The following ZFC3H1 variants were observed in gnomAD, a reference collection of about 807,000 sequenced individuals.
ZFC3H1 encodes zinc finger C3H1-type containing.
A neutral mutation model predicts 243.7 loss-of-function variants in ZFC3H1; 71 were observed. The ratio of observed to expected loss-of-function variants is 0.29; its 90% CI spans 0.24 to 0.36. The LOEUF is 0.36. Among genes scored for constraint, ZFC3H1 ranks in the 10% least tolerant of loss-of-function variants. ZFC3H1 has a pLI of 1.00. For missense variants in ZFC3H1, 1,966 were observed against 2,317.1 expected (o/e 0.85, Z 3.11); for synonymous variants, 838 against 813.0 (o/e 1.03, Z -0.52).
chr12:71,621,270 T>C (rs2700169), intron 24 of ZFC3H1, among the ~76,000 whole-genome samples: 75,820 of 151,866 alleles, frequency 0.5, 22,111 homozygotes, highest in Middle Eastern at 0.71. Context: ...AATCCACTTA[T>C]GTATTGATAA....
chr12:71,625,393 A>G (rs1880139065), intron 22 of ZFC3H1, among the ~76,000 whole-genome samples: 1 of 152,154 alleles, frequency 6.6e-6, no homozygotes, highest in Non-Finnish European at 1.5e-5. Context: ...AGTCTGGGTA[A>G]AAAACATCCC....
At position 71,644,182 on chromosome 12, in the gene ZFC3H1, G is replaced by A; in HGVS notation, c.1416C>T (p.Ile472=). ...GATTTGAGAGATCTCGAATTTTTCT[G>A]ATTTCTTCCTCTCTTTTCCTTCTCT... The part of the protein sequence containing the change: ...EEERRKREEE[I]RKIRDLSNQE... The change falls in exon 5 of 35, where the codon ATC becomes ATT. Residue 472 remains isoleucine (I), a synonymous_variant. Transcript: ENST00000378743. 1 of 1,613,448 alleles carries A rather than the reference G, an allele frequency of 6.2e-7. No homozygotes were observed. Among genetic ancestry groups the A allele is most frequent in the Non-Finnish European group, 8.5e-7 (1 of 1,179,716 alleles).
rs767547843 is a variant in ZFC3H1 at position 71,620,292 on chromosome 12, C to T, written c.4768G>A (p.Glu1590Lys). The T allele has an allele frequency of 1.7e-5, 27 of 1,614,006 alleles. No individual in the cohort carries two copies. In the Admixed American group the frequency reaches 2.2e-4, roughly 13 times the overall value. Residue 1590 changes from glutamate (E) to lysine (K), a missense_variant, in exon 25 of 35, where the codon GAG becomes AAG. Transcript: ENST00000378743. ...ATTCTTTCCTCAACAGCAAGGCTCTCATCTGTGCAAGCTTTCACTGCATCT... is the reference window on the plus strand; with the variant it reads ...ATTCTTTCCTCAACAGCAAGGCTCTTATCTGTGCAAGCTTTCACTGCATCT... Reference protein sequence around the residue: ...FEDAVKACTDESLAVEERIEA... With the variant: ...FEDAVKACTDKSLAVEERIEA...
intron 16 of ZFC3H1, 40 bp from the exon 17 acceptor site, chr12:71,630,994 A>G: frequency 6.8e-7 from 1 of 1,467,754 alleles, no homozygotes; most frequent in South Asian, 1.6e-5. Context: ...ATGCCCAACA[A>G]ACATTCCTCA....
rs146256815 is a variant in ZFC3H1, at chr12:71,634,204, T to C, written c.2461A>G (p.Met821Val). The change falls in exon 12 of 35, where the codon ATG becomes GTG. Residue 821 changes from methionine to valine, a missense_variant. This residue lies in a region of ZFC3H1 where 1,383 missense variants were observed against 1,723.7 expected (regional missense o/e 0.80). Transcript: ENST00000378743. ...VEIDGIGRIAMVTKQVTDAES... is the reference protein window; with the variant it reads ...VEIDGIGRIAVVTKQVTDAES... ...GCATCTGTAACCTGCTTAGTAACCA[T>C]TGCTATCCTGCCAATACCATCAATT... 6.3e-5 allele frequency: 101 copies of C among 1,614,070 alleles called. No individual in the cohort carries two copies. Among genetic ancestry groups the C allele is most frequent in the East Asian group, 1.6e-4 (7 of 44,850 alleles).
chr12:71,650,652 A>C (rs886253067), intron 2 of ZFC3H1, among the ~76,000 whole-genome samples: 7 of 152,224 alleles, frequency 4.6e-5, no homozygotes, highest in Admixed American at 2.6e-4. Context: ...GACAGAAAAC[A>C]AAAATCAGAA....
At chr12:71,656,119 G>C (rs950769615) in intron 2 of ZFC3H1, among the ~76,000 whole-genome samples, 7 of 152,186 alleles carry the variant, frequency 4.6e-5, no homozygotes, top group African/African-American at 1.4e-4. Context: ...GGTGAACTAA[G>C]GGCTGAGGGA....
chr12:71,623,623 T>A, intron 23 of ZFC3H1, 26 bp from the exon 24 acceptor site: 1 of 1,533,878 alleles, frequency 6.5e-7, no homozygotes, highest in African/African-American at 1.4e-5. Flanking sequence ...AATTTTTTGA[T>A]AAAAAAATTA....
intron 34 of ZFC3H1, 53 bp from the exon 35 acceptor site, chr12:71,610,618 A>AC: frequency 6.2e-7 from 1 of 1,612,278 alleles, no homozygotes; most frequent in South Asian, 1.1e-5. Flanking sequence ...TTTGAGCATT[A>AC]CCACATCAAT....
Position 71,663,378 on chromosome 12 carries a change from G to A in ZFC3H1, c.233C>T (p.Ser78Phe), listed in dbSNP as rs755921862. The A allele has an allele frequency of 5.6e-6, 9 of 1,612,708 alleles. No homozygotes were observed. In the South Asian group the frequency reaches 7.7e-5, roughly 14 times the overall value. ...GGGGSSSSSS[S>F]SQQQLRNFSR... Reference sequence around the variant, plus strand: ...GAAATTCCTCAGCTGCTGCTGAGAAGAGGACGATGACGAGGAAGAGCCACC... The same window carrying A: ...GAAATTCCTCAGCTGCTGCTGAGAAAAGGACGATGACGAGGAAGAGCCACC... Residue 78 changes from serine to phenylalanine, a missense_variant, in exon 1 of 35, where the codon TCT (serine) becomes TTT (phenylalanine). By Grantham distance (155) the Ser-to-Phe change is radical. This residue lies in a region of ZFC3H1 where 484 missense variants were observed against 449.7 expected (regional missense o/e 1.08). Transcript: ENST00000378743.
chr12:71,657,390 C>G lies in ZFC3H1; in HGVS notation c.599-89G>C, dbSNP rs555393958. ...CTTAGATTATAGATGAATTTTCTCC[C>G]TTTTTAATTTTTCAAGAAAAATGAA... On this transcript the variant is annotated intron_variant, in intron 1 of 34. Coordinates refer to ENST00000378743, the MANE Select transcript of ZFC3H1 (RefSeq NM_144982.5). 2.1e-4 allele frequency: 212 copies of G among 988,088 alleles called. 1 individual carries two copies. In the African/African-American group the frequency reaches 3.1e-3, roughly 15 times the overall value. The allele number at this position is 988,088 out of a possible 1,614,324, so 61.2% of individuals were successfully genotyped here.
At chr12:71,658,436 G>T (rs139699602) in intron 1 of ZFC3H1, among the ~76,000 whole-genome samples, 8,916 of 151,640 alleles carry the variant, frequency 0.059, 361 homozygotes, top group South Asian at 0.089. Context: ...TTACAGGTGC[G>T]TGCCACCATG....
In ZFC3H1 at chr12:71,624,119, T is replaced by A. The variant is rs760357765; in HGVS notation, c.4491A>T (p.Ala1497=). The change falls in exon 23 of 35, where the codon GCA becomes GCT. Residue 1497 remains alanine, a synonymous_variant. Transcript: ENST00000378743. ...LHIFTGRCQS[A]LAILQNALKS... ...AAGTGCTTACCTGTAAAATTGCCAG[T>A]GCACTTTGGCATCTTCCAGTAAATA... 1 of 1,611,738 alleles carries A rather than the reference T, an allele frequency of 6.2e-7. No individual in the cohort carries two copies. The highest frequency in any genetic ancestry group is 1.3e-5 in the African/African-American group (1 of 74,758).
intron 15 of ZFC3H1, 23 bp from the exon 16 acceptor site, chr12:71,631,910 T>C: frequency 6.2e-7 from 1 of 1,608,410 alleles, no homozygotes; most frequent in Non-Finnish European, 8.5e-7. Context: ...ATAATAATTC[T>C]GTAAGGCAAA....
intron 27 of ZFC3H1, among the ~76,000 whole-genome samples, chr12:71,617,086 A>T (rs1476281365): frequency 1.3e-5 from 2 of 152,130 alleles, no homozygotes; most frequent in Non-Finnish European, 2.9e-5. Flanking sequence ...ACAGAATTCA[A>T]CTCCAGGTAA....
At chr12:71,623,257 A>G in intron 24 of ZFC3H1, 103 bp downstream of exon 24, 1 of 998,434 alleles carries the variant, frequency 1.0e-6, no homozygotes, top group Non-Finnish European at 1.4e-6. Flanking sequence ...AGAGATATAA[A>G]TTTGTTCCAC....
chr12:71,650,829 G>GT (rs764351307), intron 2 of ZFC3H1, among the ~76,000 whole-genome samples: 42 of 152,178 alleles, frequency 2.8e-4, no homozygotes, highest in South Asian at 1.0e-3. Context: ...TCAAAACCCT[G>GT]TAAGAGCTCC....
intron 21 of ZFC3H1, 129 bp downstream of exon 21, chr12:71,627,622 G>T (rs1486325020): frequency 1.2e-6 from 1 of 841,486 alleles, no homozygotes; most frequent in Non-Finnish European, 1.8e-6. Flanking sequence ...AATGCTTTTG[G>T]CTTTGTCAAA....
intron 2 of ZFC3H1, 63 bp from the exon 3 acceptor site, chr12:71,647,876 A>C (rs1217910922): frequency 1.6e-6 from 1 of 623,192 alleles, no homozygotes; most frequent in Non-Finnish European, 2.6e-6. Flanking sequence ...AAATAAAATA[A>C]TCCTATATAA....
Sources: allele counts gnomAD v4.1 joint callset (sites outside exome capture counted in the v4.1 genomes callset), GRCh38; gene constraint gnomAD v4.1.1; regional missense constraint gnomAD v4.1.1; transcripts MANE v1.5; gene names NCBI Gene and HGNC (gene_info 2026-07-23, HGNC 2026-07-21).